Variants in NREP observed in about 807,000 individuals in gnomAD.
The protein encoded by NREP is neuronal regeneration related protein.
A neutral mutation model predicts 8.6 loss-of-function variants in NREP; 5 were observed. The observed-to-expected ratio is 0.58, with a 90% CI of 0.30 to 1.22. NREP has a LOEUF of 1.22. NREP is among the 50% of genes most tolerant of loss of function. The pLI is 0.07. For synonymous variants in NREP, 27 were observed against 28.0 expected (o/e 0.96, Z 0.11); for missense variants, 86 against 82.5 (o/e 1.04, Z -0.17).
chr5:111,834,320 T>A (rs1026790486), intron 2 of NREP, among the ~76,000 whole-genome samples: 2 of 152,228 alleles, frequency 1.3e-5, no homozygotes, highest in African/African-American at 4.8e-5. Flanking sequence ...GGGAGATTCA[T>A]TATCAAATAC....
chr5:111,845,841 T>G, intron 2 of NREP, among the ~76,000 whole-genome samples: 1 of 151,000 alleles, frequency 6.6e-6, no homozygotes, highest in Admixed American at 6.6e-5. Context: ...CGGTTTTCTT[T>G]AGGAAGTAAT....
chr5:111,860,269 C>T (rs1753516139), intron 2 of NREP, among the ~76,000 whole-genome samples: 1 of 152,156 alleles, frequency 6.6e-6, no homozygotes, highest in African/African-American at 2.4e-5. Flanking sequence ...ACACTGAAGA[C>T]CTTAGTGCCC....
chr5:111,888,826 T>G (rs1754324460), intron 2 of NREP, among the ~76,000 whole-genome samples: 1 of 152,194 alleles, frequency 6.6e-6, no homozygotes, highest in Admixed American at 6.5e-5. Flanking sequence ...ACCCTCAGAT[T>G]TGCCTTCAGT....
chr5:111,829,103 A>C (rs1752699634), intron 2 of NREP, among the ~76,000 whole-genome samples: 1 of 152,164 alleles, frequency 6.6e-6, no homozygotes, highest in Non-Finnish European at 1.5e-5. Context: ...ATCTGGAAAA[A>C]AAAAAACAAA....
intron 2 of NREP, among the ~76,000 whole-genome samples, chr5:111,828,025 C>T (rs969605393): frequency 4.6e-5 from 7 of 151,878 alleles, no homozygotes; most frequent in Admixed American, 3.3e-4. Flanking sequence ...ATATATATTT[C>T]CTTTAGAATT....
intron 2 of NREP, among the ~76,000 whole-genome samples, chr5:111,789,197 G>A (rs1471004536): frequency 6.6e-6 from 1 of 152,118 alleles, no homozygotes; most frequent in Non-Finnish European, 1.5e-5. Flanking sequence ...GTGTGTGTGT[G>A]TAATATATTG....
At chr5:111,839,100 C>A (rs572707732) in intron 2 of NREP, among the ~76,000 whole-genome samples, 1 of 152,178 alleles carries the variant, frequency 6.6e-6, no homozygotes, top group African/African-American at 2.4e-5. Flanking sequence ...CCCTGTAGTA[C>A]AATGAACAAA....
intron 2 of NREP, among the ~76,000 whole-genome samples, chr5:111,778,859 G>A (rs1003659547): frequency 6.6e-6 from 1 of 152,064 alleles, no homozygotes; most frequent in African/African-American, 2.4e-5. Flanking sequence ...AGCATACGAT[G>A]ATTTTTTAAG....
intron 2 of NREP, among the ~76,000 whole-genome samples, chr5:111,866,235 T>A (rs1038620115): frequency 6.6e-6 from 1 of 151,660 alleles, no homozygotes; most frequent in Non-Finnish European, 1.5e-5. Flanking sequence ...TGGGAGAAAA[T>A]TTTTGCAACC....
intron 2 of NREP, among the ~76,000 whole-genome samples, chr5:111,835,792 A>G (rs1581153214): frequency 6.6e-6 from 1 of 152,048 alleles, no homozygotes; most frequent in African/African-American, 2.4e-5. Context: ...GGCTGAAGAT[A>G]GGGGGAAAAA....
At chr5:111,944,588 T>C (rs976739883) in intron 2 of NREP, among the ~76,000 whole-genome samples, 7 of 152,182 alleles carry the variant, frequency 4.6e-5, no homozygotes, top group Admixed American at 3.3e-4. Context: ...ATTACAGGCA[T>C]GGGCCATGAC....
chr5:111,944,950 C>G (rs1755934988), intron 2 of NREP, among the ~76,000 whole-genome samples: 1 of 152,090 alleles, frequency 6.6e-6, no homozygotes, highest in African/African-American at 2.4e-5. Flanking sequence ...CTTCACCTCT[C>G]CTTTATCCCT....
intron 2 of NREP, among the ~76,000 whole-genome samples, chr5:111,800,658 G>A (rs1438844245): frequency 1.3e-5 from 2 of 152,126 alleles, no homozygotes; most frequent in Non-Finnish European, 2.9e-5. Flanking sequence ...TTGCTGGGGA[G>A]GTAGATTTAA....
At chr5:111,790,750 A>G (rs1045025264) in intron 2 of NREP, among the ~76,000 whole-genome samples, 1 of 135,036 alleles carries the variant, frequency 7.4e-6, no homozygotes, top group African/African-American at 2.9e-5. Context: ...GGATCTAGTT[A>G]TTCCATTGCA....
intron 2 of NREP, among the ~76,000 whole-genome samples, chr5:111,796,294 CT>C (rs1227853177): frequency 6.6e-6 from 1 of 152,150 alleles, no homozygotes; most frequent in Non-Finnish European, 1.5e-5. Context: ...CTTCTTTCAT[CT>C]TTTAAGGACC....
chr5:111,798,600 T>C (rs1751926361), intron 2 of NREP, among the ~76,000 whole-genome samples: 2 of 152,180 alleles, frequency 1.3e-5, no homozygotes, highest in Admixed American at 6.5e-5. Flanking sequence ...TTAGGGCCCA[T>C]ATATGAATGA....
chr5:111,926,852 T>C (rs1380429713), intron 2 of NREP, among the ~76,000 whole-genome samples: 1 of 151,552 alleles, frequency 6.6e-6, no homozygotes, highest in African/African-American at 2.4e-5. Flanking sequence ...GTGCTGCTCC[T>C]GGGTGCAAGT....
Position 111,735,413 on chromosome 5 carries a change from G to A in NREP, c.81+17C>T. On this transcript the variant is annotated intron_variant, in intron 3 of 3. Coordinates refer to ENST00000257435, the MANE Select transcript of NREP (RefSeq NM_004772.4). ...TATTGAAAATAGTGTTAACAATATGGCATCTAAGGATCTTACCTTAGGAAG... is the reference window on the plus strand; with the variant it reads ...TATTGAAAATAGTGTTAACAATATGACATCTAAGGATCTTACCTTAGGAAG... 6.5e-7 allele frequency: 1 copy of A among 1,536,414 alleles called. No homozygotes were observed. The highest frequency in any genetic ancestry group is 9.0e-7 in the Non-Finnish European group (1 of 1,110,484).
Position 111,879,955 on chromosome 5 carries a change from C to G in NREP, c.135+95319G>C, listed in dbSNP as rs111545560. On this transcript the variant is annotated intron_variant, in intron 2 of 3. Coordinates refer to the NREP transcript ENST00000395634. Reference sequence around the variant, plus strand: ...CTCCCAAAGGTCAGTCTCCAAATATCATCACCTTAAGGGCTGGGGCTTCAA... The same window carrying G: ...CTCCCAAAGGTCAGTCTCCAAATATGATCACCTTAAGGGCTGGGGCTTCAA... Among the ~76,000 whole-genome samples, 727 of 152,332 alleles carry G rather than the reference C, an allele frequency of 4.8e-3. 3 individuals are homozygous for G. The highest frequency in any genetic ancestry group is 0.016 in the African/African-American group (678 of 41,578).
Sources: allele counts gnomAD v4.1 joint callset (sites outside exome capture counted in the v4.1 genomes callset), GRCh38; gene constraint gnomAD v4.1.1; transcripts MANE v1.5; gene names NCBI Gene and HGNC (gene_info 2026-07-23, HGNC 2026-07-21).